Variants in MED12L observed in about 807,000 individuals in gnomAD.
The protein encoded by MED12L is mediator complex subunit 12L, also known as mediator of RNA polymerase II transcription subunit 12-like protein.
In MED12L, 60 loss-of-function variants were observed where a neutral mutation model predicts 281.3. That is an observed-to-expected ratio of 0.21 (90% CI 0.17 to 0.26). The LOEUF is 0.26. Ranked by LOEUF, MED12L falls within the 10% of genes least tolerant of loss-of-function variation. The probability of loss-of-function intolerance (pLI) is 1.00; values close to 1 mark genes in which losing one functional copy is unlikely to be tolerated. For synonymous variants in MED12L, 974 were observed against 987.2 expected, an observed-to-expected ratio of 0.99 and a Z score of 0.25; for missense variants, 2,146 against 2,680.9, an observed-to-expected ratio of 0.80 and a Z score of 4.41.
Position 151,086,857 on chromosome 3 carries a change from C to T in MED12L, c.-70C>T. The T allele has an allele frequency of 7.9e-7, 1 of 1,266,320 alleles. No homozygotes were observed. Among genetic ancestry groups the T allele is most frequent in the Non-Finnish European group, 1.1e-6 (1 of 908,962 alleles). The allele number at this position is 1,266,320 out of a possible 1,614,324, so 78.4% of individuals were successfully genotyped here. ...GAGGGAGTCTGTCTGCAAAGTGCTG[C>T]TCCCTGGTGCTCAGAGGCGGCTGCT... is the stretch of plus-strand genomic sequence containing the variant. On this transcript the variant is annotated 5_prime_UTR_variant, in exon 2 of 45. Coordinates refer to ENST00000687756, the MANE Select transcript of MED12L (RefSeq NM_001393769.1).
At chr3:151,188,703 C>T (rs1723580233) in intron 13 of MED12L, among the ~76,000 whole-genome samples, 1 of 152,150 alleles carries the variant, frequency 6.6e-6, no homozygotes, top group Non-Finnish European at 1.5e-5. Flanking sequence ...TAAAAGTCAC[C>T]TCACTCCTTC....
intron 16 of MED12L, among the ~76,000 whole-genome samples, chr3:151,339,512 G>A (rs1465647575): frequency 6.6e-6 from 1 of 151,396 alleles, no homozygotes; most frequent in Non-Finnish European, 1.5e-5. Context: ...TCAAAGATTG[G>A]CCTCACGGAG....
rs750882702 is a variant in MED12L, at chr3:151,328,707, G to A, written c.2251-21352G>A. 6 of 1,613,818 alleles carry A rather than the reference G, an allele frequency of 3.7e-6. No homozygotes were observed. Among genetic ancestry groups the A allele is most frequent in the Admixed American group, 1.7e-5 (1 of 59,966 alleles). On this transcript the variant is annotated intron_variant, in intron 16 of 44. Transcript: ENST00000687756. ...TCATAAAATATCACCGAAGAAAAAC[G>A]ACACACAAAAGCTCTGAGCTGCCAG...
chr3:151,368,062 A>G, intron 24 of MED12L, 88 bp from the exon 25 acceptor site: 2 of 1,059,414 alleles, frequency 1.9e-6, no homozygotes, highest in African/African-American at 3.2e-5. Context: ...TTAAATAATT[A>G]TTCCAGGAAA....
chr3:151,090,743 A>G (rs1719918082), intron 2 of MED12L, among the ~76,000 whole-genome samples: 1 of 152,198 alleles, frequency 6.6e-6, no homozygotes, highest in Non-Finnish European at 1.5e-5. Flanking sequence ...TCTGGGACAA[A>G]AGAGACTGAA....
intron 5 of MED12L, among the ~76,000 whole-genome samples, chr3:151,140,907 G>T (rs1375184721): frequency 6.6e-6 from 1 of 151,936 alleles, no homozygotes; most frequent in South Asian, 2.1e-4. Flanking sequence ...TCGCTCTGTT[G>T]CCCAGGCTGG....
intron 16 of MED12L, among the ~76,000 whole-genome samples, chr3:151,245,705 G>A (rs1735284328): frequency 9.2e-6 from 1 of 108,880 alleles, no homozygotes; most frequent in East Asian, 2.6e-4. Flanking sequence ...TTTGAAAACT[G>A]GCACAAGACA....
chr3:151,335,101 T>G (rs1419044419), intron 16 of MED12L, among the ~76,000 whole-genome samples: 2 of 152,180 alleles, frequency 1.3e-5, no homozygotes, highest in African/African-American at 4.8e-5. Context: ...AACTGGGATA[T>G]CCATCACCTC....
intron 5 of MED12L, among the ~76,000 whole-genome samples, chr3:151,150,004 T>G (rs1718243407): frequency 6.6e-6 from 1 of 152,188 alleles, no homozygotes; most frequent in African/African-American, 2.4e-5. Flanking sequence ...AACTCGTCCA[T>G]AAAGGTTGGA....
intron 18 of MED12L, 55 bp downstream of exon 18, chr3:151,355,294 AT>A: frequency 1.6e-6 from 2 of 1,251,104 alleles, no homozygotes; most frequent in Non-Finnish European, 2.3e-6. Context: ...TTACTTAAAA[AT>A]TTTTTTCATG....
intron 17 of MED12L, among the ~76,000 whole-genome samples, chr3:151,353,946 C>G (rs945442685): frequency 6.6e-6 from 1 of 151,724 alleles, no homozygotes; most frequent in East Asian, 1.9e-4. Context: ...TCGAGACCAT[C>G]CCGGCTAACA....
chr3:151,262,586 G>T (rs1333608062), intron 16 of MED12L, among the ~76,000 whole-genome samples: 1 of 152,144 alleles, frequency 6.6e-6, no homozygotes, highest in East Asian at 1.9e-4. Context: ...GTTTGTATAT[G>T]TGTTTTTTAA....
In MED12L at chr3:151,372,730, A is replaced by C. The variant is rs1265891074; in HGVS notation, c.3828A>C (p.Glu1276Asp). The change falls in exon 27 of 45, where the codon GAA becomes GAC. Residue 1276 changes from glutamate to aspartate, a missense_variant. Around this residue, in one of 9 missense-constraint regions of MED12L, gnomAD observed 235 missense variants for 260.3 expected, o/e 0.90. Coordinates refer to ENST00000687756, the MANE Select transcript of MED12L (RefSeq NM_001393769.1). ...CCATAGAAACTGCCAATTTAAGAGA[A>C]TACGCTAGATATGTACTGAGGACTA... Reference protein sequence around the residue: ...SISIETANLREYARYVLRTIC... With the variant: ...SISIETANLRDYARYVLRTIC... 6.2e-7 allele frequency: 1 copy of C among 1,613,874 alleles called. No homozygotes were observed.
intron 2 of MED12L, among the ~76,000 whole-genome samples, chr3:151,087,571 A>G (rs932166164): frequency 6.6e-6 from 1 of 152,186 alleles, no homozygotes; most frequent in Non-Finnish European, 1.5e-5. Context: ...TGCCCTTTAA[A>G]AATTAAAATT....
At chr3:151,302,194 A>G (rs1187984531) in intron 16 of MED12L, among the ~76,000 whole-genome samples, 1 of 152,230 alleles carries the variant, frequency 6.6e-6, no homozygotes, top group Admixed American at 6.5e-5. Flanking sequence ...GTAGAGGCAG[A>G]AAGTCGATTA....
chr3:151,158,080 C>T (rs567877916), intron 6 of MED12L, among the ~76,000 whole-genome samples: 24 of 152,248 alleles, frequency 1.6e-4, no homozygotes, highest in African/African-American at 4.8e-4. Context: ...GTGTCACCCC[C>T]GTGGGGCATT....
In MED12L at chr3:151,184,913, G is replaced by A. The variant is rs143093444; in HGVS notation, c.1495-417G>A. 4.5e-4 allele frequency among the ~76,000 whole-genome samples: 69 copies of A among 152,324 alleles called. No individual in the cohort carries two copies. In the East Asian group the frequency reaches 6.2e-3, roughly 14 times the overall value. On this transcript the variant is annotated intron_variant, in intron 11 of 44. Transcript: ENST00000687756. ...GGCTTGTCAGAATTATTTATTGTAT[G>A]AGGCATTGAGTGAGTGGGGGGCCTG...
chr3:151,422,059 G>C (rs939209677), intron 43 of MED12L, among the ~76,000 whole-genome samples: 25 of 152,178 alleles, frequency 1.6e-4, no homozygotes, highest in African/African-American at 5.5e-4. Context: ...TCTTAGGGTA[G>C]TGCAGAAGTG....
At chr3:151,225,622 C>T (rs950184821) in intron 16 of MED12L, among the ~76,000 whole-genome samples, 2 of 152,226 alleles carry the variant, frequency 1.3e-5, no homozygotes, top group Admixed American at 1.3e-4. Flanking sequence ...AGCTTTCTGT[C>T]AGATCCTATC....
Sources: allele counts gnomAD v4.1 joint callset (sites outside exome capture counted in the v4.1 genomes callset), GRCh38; gene constraint gnomAD v4.1.1; regional missense constraint gnomAD v4.1.1; transcripts MANE v1.5; gene names NCBI Gene and HGNC (gene_info 2026-07-23, HGNC 2026-07-21).